The following ANK3 variants were observed in gnomAD, a reference collection of about 807,000 sequenced individuals.
ANK3 encodes the protein ankyrin 3.
ANK3 carries 57 observed loss-of-function variants against 370.9 expected under a neutral mutation model. The ratio of observed to expected loss-of-function variants is 0.15; its 90% CI spans 0.12 to 0.19. ANK3 has a LOEUF of 0.19. Ranked by LOEUF, ANK3 falls within the 10% of genes least tolerant of loss-of-function variation. The probability of loss-of-function intolerance (pLI) is 1.00; values close to 1 mark genes in which losing one functional copy is unlikely to be tolerated. For synonymous variants in ANK3, 1,929 were observed against 1,946.3 expected, an observed-to-expected ratio of 0.99 and a Z score of 0.23; for missense variants, 4,439 against 5,302.1, an observed-to-expected ratio of 0.84 and a Z score of 5.06.
intron 1 of ANK3, among the ~76,000 whole-genome samples, chr10:60,339,109 A>C (rs2053686957): frequency 6.6e-6 from 1 of 152,172 alleles, no homozygotes. Context: ...ATAGAAAAAA[A>C]AAATTCTAGC....
chr10:60,373,884 G>C (rs2060430544), intron 1 of ANK3, among the ~76,000 whole-genome samples: 1 of 152,154 alleles, frequency 6.6e-6, no homozygotes, highest in East Asian at 1.9e-4. Flanking sequence ...AGATGAACCT[G>C]ATGAAGCCTC....
chr10:60,319,940 C>G (rs909752309), intron 1 of ANK3, among the ~76,000 whole-genome samples: 8 of 152,182 alleles, frequency 5.3e-5, no homozygotes. Context: ...AACTGGTACT[C>G]CAGAGGAATT....
chr10:60,415,626 G>T (rs1433447880), intron 2 of ANK3, among the ~76,000 whole-genome samples: 1 of 151,936 alleles, frequency 6.6e-6, no homozygotes, highest in African/African-American at 2.4e-5. Flanking sequence ...ATGAAATTCT[G>T]GGTTATTATT....
At chr10:60,663,560 A>T (rs1043287577) in intron 1 of ANK3, among the ~76,000 whole-genome samples, 3 of 152,036 alleles carry the variant, frequency 2.0e-5, no homozygotes, top group Non-Finnish European at 4.4e-5. Flanking sequence ...CAACCCTTAG[A>T]CTCCATTCCT....
chr10:60,152,152 G>A (rs1053549398), intron 23 of ANK3, among the ~76,000 whole-genome samples: 4 of 152,126 alleles, frequency 2.6e-5, no homozygotes, highest in Non-Finnish European at 5.9e-5. Context: ...ACCTATGATA[G>A]ACACCAGGAC....
At chr10:60,176,458 C>T (rs1254191532) in intron 18 of ANK3, among the ~76,000 whole-genome samples, 1 of 151,778 alleles carries the variant, frequency 6.6e-6, no homozygotes, top group Non-Finnish European at 1.5e-5. Flanking sequence ...GCTTCTGATA[C>T]CCCTTATAAT....
chr10:60,654,158 A>G (rs2078830896), intron 1 of ANK3, among the ~76,000 whole-genome samples: 1 of 152,154 alleles, frequency 6.6e-6, no homozygotes, highest in Non-Finnish European at 1.5e-5. Flanking sequence ...TTGATTTTAT[A>G]TATTTTTCTT....
chr10:60,228,425 T>TCAGGAGA (rs1439599807), intron 8 of ANK3, among the ~76,000 whole-genome samples: 1 of 150,578 alleles, frequency 6.6e-6, no homozygotes, highest in African/African-American at 2.4e-5. Flanking sequence ...TCCCAGCTAC[T>TCAGGAGA]CAGGAGACAG....
chr10:60,051,133 A>C (rs1468583738), intron 42 of ANK3, among the ~76,000 whole-genome samples: 1 of 152,142 alleles, frequency 6.6e-6, no homozygotes, highest in African/African-American at 2.4e-5. Flanking sequence ...GTTTCAATTA[A>C]ACATTTCATT....
intron 16 of ANK3, among the ~76,000 whole-genome samples, chr10:60,191,661 T>C (rs1212421251): frequency 6.6e-6 from 1 of 152,142 alleles, no homozygotes; most frequent in Admixed American, 6.5e-5. Flanking sequence ...TAAGGACAAT[T>C]GTAAGGAGAT....
chr10:60,034,088 T>TTG (rs2074355272), intron 43 of ANK3, among the ~76,000 whole-genome samples: 1 of 150,344 alleles, frequency 6.7e-6, no homozygotes, highest in Non-Finnish European at 1.5e-5. Context: ...TTTGTTTTTT[T>TTG]TTTTGTTTTG....
At chr10:60,207,581 A>G (rs949398524) in intron 10 of ANK3, among the ~76,000 whole-genome samples, 9 of 152,224 alleles carry the variant, frequency 5.9e-5, no homozygotes, top group Non-Finnish European at 1.3e-4. Flanking sequence ...GAAACAGAAG[A>G]TTACAGGCAA....
chr10:60,716,201 G>A (rs949998390), intron 1 of ANK3, among the ~76,000 whole-genome samples: 2 of 147,696 alleles, frequency 1.4e-5, no homozygotes, highest in African/African-American at 4.9e-5. Context: ...AAAAAATGTC[G>A]TTCTAGTATA....
At chr10:60,146,097 C>T in intron 23 of ANK3, 1 of 1,512,742 alleles carries the variant, frequency 6.6e-7, no homozygotes, top group Non-Finnish European at 8.8e-7. Flanking sequence ...CATATAAGCT[C>T]TATGTTCCAT....
chr10:60,223,907 A>G (rs1410442068), intron 8 of ANK3, among the ~76,000 whole-genome samples: 1 of 151,590 alleles, frequency 6.6e-6, no homozygotes, highest in East Asian at 1.9e-4. Context: ...GTAGCAGAGA[A>G]CTGGCATATT....
intron 2 of ANK3, among the ~76,000 whole-genome samples, chr10:60,397,312 A>G (rs904619497): frequency 6.6e-6 from 1 of 152,228 alleles, no homozygotes; most frequent in African/African-American, 2.4e-5. Context: ...CATATCCACC[A>G]TGCAGAAATT....
intron 2 of ANK3, among the ~76,000 whole-genome samples, chr10:60,427,594 AG>A (rs1352115734): frequency 6.6e-6 from 1 of 152,158 alleles, no homozygotes; most frequent in African/African-American, 2.4e-5. Context: ...GAATCAAGTT[AG>A]TGTCAGATAT....
intron 1 of ANK3, among the ~76,000 whole-genome samples, chr10:60,731,597 G>A (rs2132035737): frequency 6.6e-6 from 1 of 152,308 alleles, no homozygotes; most frequent in South Asian, 2.1e-4. Context: ...TCAAAGGATT[G>A]TTTTGCTTCA....
At chr10:60,569,696 G>A (rs1361214552) in intron 2 of ANK3, among the ~76,000 whole-genome samples, 1 of 152,186 alleles carries the variant, frequency 6.6e-6, no homozygotes, top group African/African-American at 2.4e-5. Flanking sequence ...TCTCAAGAGA[G>A]ACTTTATACC....
Sources: gnomAD v4.1 joint callset for allele counts (sites outside exome capture counted in the v4.1 genomes callset) on GRCh38, gnomAD v4.1.1 for gene constraint, MANE v1.5 for transcripts, NCBI Gene and HGNC (gene_info 2026-07-23, HGNC 2026-07-21) for gene names.